LMNB1: variants seen among roughly 807,000 people sequenced by gnomAD.
LMNB1 encodes lamin-B1.
In LMNB1, 23 loss-of-function variants were observed where a neutral mutation model predicts 67.1. That is an observed-to-expected ratio of 0.34 (90% CI 0.25 to 0.49). The LOEUF (loss-of-function observed/expected upper bound fraction) is 0.49. Among genes scored for constraint, LMNB1 ranks in the 20% least tolerant of loss-of-function variants. The pLI, the probability that LMNB1 is intolerant of heterozygous loss-of-function variation, is 0.99. For synonymous variants in LMNB1, 281 were observed against 282.9 expected, an observed-to-expected ratio of 0.99 and a Z score of 0.07; for missense variants, 634 against 746.5, an observed-to-expected ratio of 0.85 and a Z score of 1.76.
chr5:126,776,629 G>C (rs919607998), upstream of LMNB1: 2 of 152,262 alleles, frequency 1.3e-5, no homozygotes, highest in African/African-American at 4.8e-5. Flanking sequence ...CAGCGGAGCG[G>C]GGGATAAGGT....
chr5:126,805,320 G>C (rs1751389237), intron 2 of LMNB1, among the ~76,000 whole-genome samples: 6 of 152,224 alleles, frequency 3.9e-5, no homozygotes, highest in Admixed American at 3.9e-4. Flanking sequence ...TGAAATGTGA[G>C]TGAGTCATAC....
intron 1 of LMNB1, among the ~76,000 whole-genome samples, chr5:126,787,546 ATT>A (rs142332901): frequency 9.3e-4 from 61 of 65,570 alleles, no homozygotes; most frequent in Admixed American, 1.5e-3. Flanking sequence ...ATATATATAT[ATT>A]TTTTTTTTTT....
chr5:126,836,773 G>A lies in LMNB1; in HGVS notation c.*509G>A, dbSNP rs1215605028. On this transcript the variant is annotated 3_prime_UTR_variant, in exon 11 of 11. Transcript: ENST00000261366. ...CAAGGTTATAATTTTTTTTAAAATA[G>A]AAATTTTGTAAGAAGGCAATATTAA... is the stretch of plus-strand genomic sequence containing the variant. The A allele has an allele frequency of 2.6e-6, 1 of 385,720 alleles. No homozygotes were observed. Among genetic ancestry groups the A allele is most frequent in the Admixed American group, 4.5e-5 (1 of 22,140 alleles). The allele number at this position is 385,720 out of a possible 1,614,324, so 23.9% of individuals were successfully genotyped here.
At chr5:126,834,683 T>C (rs1752210492) in intron 10 of LMNB1, among the ~76,000 whole-genome samples, 1 of 152,190 alleles carries the variant, frequency 6.6e-6, no homozygotes, top group Non-Finnish European at 1.5e-5. Flanking sequence ...GAGACCATCC[T>C]GGCTAACACG....
intron 5 of LMNB1, among the ~76,000 whole-genome samples, chr5:126,817,506 A>G (rs1751741808): frequency 6.6e-6 from 1 of 151,936 alleles, no homozygotes; most frequent in African/African-American, 2.4e-5. Flanking sequence ...CTGTCTAATC[A>G]TTTGTGTTAA....
intron 8 of LMNB1, among the ~76,000 whole-genome samples, chr5:126,823,898 C>G (rs1475470735): frequency 6.6e-6 from 1 of 152,082 alleles, no homozygotes; most frequent in Non-Finnish European, 1.5e-5. Flanking sequence ...TATTATATGT[C>G]TTATGGAAGC....
In LMNB1 at chr5:126,820,995, C is replaced by T; in HGVS notation, c.1246C>T (p.Arg416Trp). The T allele has an allele frequency of 1.9e-6, 3 of 1,613,804 alleles. No individual in the cohort carries two copies. Among genetic ancestry groups the T allele is most frequent in the Non-Finnish European group, 2.5e-6 (3 of 1,179,782 alleles). Residue 416 changes from arginine (R) to tryptophan (W), a missense_variant, in exon 7 of 11, where the codon CGG (arginine) becomes TGG (tryptophan). Coordinates refer to ENST00000261366, the MANE Select transcript of LMNB1 (RefSeq NM_005573.4). ...SRSVRTTRGK[R>W]KRVDVEESEA... is the part of the protein sequence containing the mutation. ...TAGTGTACGTACAACTAGAGGAAAG[C>T]GGAAGAGGGTTGATGTGGAAGAATC...
At chr5:126,814,403 G>T (rs991242407) in intron 5 of LMNB1, among the ~76,000 whole-genome samples, 1 of 152,122 alleles carries the variant, frequency 6.6e-6, no homozygotes, top group South Asian at 2.1e-4. Context: ...CTTCTCTTGA[G>T]GTTGATCTTC....
At chr5:126,809,937 A>G (rs938865742) in intron 3 of LMNB1, among the ~76,000 whole-genome samples, 6 of 152,198 alleles carry the variant, frequency 3.9e-5, no homozygotes, top group Admixed American at 3.9e-4. Context: ...ATAAATAGCT[A>G]TGCTCCTGAA....
chr5:126,831,736 A>C (rs1194803507), intron 9 of LMNB1, among the ~76,000 whole-genome samples: 1 of 152,210 alleles, frequency 6.6e-6, no homozygotes, highest in Non-Finnish European at 1.5e-5. Context: ...CTTTAAGCTG[A>C]ATTCATGTTG....
At chr5:126,835,766 G>A (rs527932386) in intron 10 of LMNB1, among the ~76,000 whole-genome samples, 27 of 152,282 alleles carry the variant, frequency 1.8e-4, no homozygotes, top group African/African-American at 6.5e-4. Flanking sequence ...GAATTTGTTG[G>A]GGGGTATTCT....
chr5:126,821,079 A>C lies in LMNB1; in HGVS notation c.1330A>C (p.Ile444Leu). The C allele has an allele frequency of 6.2e-7, 1 of 1,614,092 alleles. No individual in the cohort carries two copies. Among genetic ancestry groups the C allele is most frequent in the Non-Finnish European group, 8.5e-7 (1 of 1,180,016 alleles). ...HSASATGNVC[I>L]EEIDVDGKFI... ...CGCCTCAGCCACTGGAAATGTTTGC[A>C]TCGAAGAAATTGATGTTGATGGGAA... Residue 444 changes from isoleucine (I) to leucine (L), a missense_variant, in exon 7 of 11, where the codon ATC becomes CTC. By Grantham distance (5) the Ile-to-Leu change is conservative (BLOSUM62 2). Coordinates refer to ENST00000261366, the MANE Select transcript of LMNB1 (RefSeq NM_005573.4).
At chr5:126,795,933 C>CCTTTTTTTTTT (rs751492782) in intron 1 of LMNB1, among the ~76,000 whole-genome samples, 1 of 82,084 alleles carries the variant, frequency 1.2e-5, no homozygotes, top group Non-Finnish European at 2.3e-5. Context: ...GCCCAGGATG[C>CCTTTTTTTTTT]TTTTTTTTTT....
At chr5:126,778,655 GTCAC>G (rs2112914096) in intron 1 of LMNB1, among the ~76,000 whole-genome samples, 1 of 152,310 alleles carries the variant, frequency 6.6e-6, no homozygotes, top group East Asian at 1.9e-4. Flanking sequence ...GTTTGTGCAT[GTCAC>G]GGCTACCGTT....
chr5:126,800,644 C>CTTTT (rs35363581), intron 1 of LMNB1, among the ~76,000 whole-genome samples: 25 of 53,932 alleles, frequency 4.6e-4, no homozygotes, highest in East Asian at 1.1e-3. Flanking sequence ...ACTGTATCTT[C>CTTTT]TTTTTTTTTT....
rs565469294 is a variant in LMNB1 at position 126,790,303 on chromosome 5, G to A, written c.359+12436G>A. On this transcript the variant is annotated intron_variant, in intron 1 of 10. Transcript: ENST00000261366. ...GTATTTTTAGTAGAGAAGGGGTTTT[G>A]CCATGTTGGCCAGGCTGGTCTCGAA... Among the ~76,000 whole-genome samples the A allele has an allele frequency of 2.6e-3, 390 of 150,498 alleles. 3 individuals carry two copies. The highest frequency in any genetic ancestry group is 8.8e-3 in the African/African-American group (360 of 40,838).
intron 1 of LMNB1, among the ~76,000 whole-genome samples, chr5:126,787,540 A>ATTTTT (rs1750832796): frequency 2.1e-5 from 1 of 47,202 alleles, no homozygotes; most frequent in African/African-American, 6.8e-5. Flanking sequence ...ATATATATAT[A>ATTTTT]TATATATTTT....
chr5:126,830,675 A>G (rs1007843697), intron 9 of LMNB1, among the ~76,000 whole-genome samples: 1 of 152,190 alleles, frequency 6.6e-6, no homozygotes, highest in African/African-American at 2.4e-5. Context: ...AAGCTACATC[A>G]TGAGCCTTAA....
intron 1 of LMNB1, among the ~76,000 whole-genome samples, chr5:126,788,715 A>G (rs1382470591): frequency 6.6e-6 from 1 of 152,086 alleles, no homozygotes; most frequent in Non-Finnish European, 1.5e-5. Flanking sequence ...AAGCCTAAAA[A>G]GTATCTGTTG....
Sources: allele counts gnomAD v4.1 joint callset (sites outside exome capture counted in the v4.1 genomes callset), GRCh38; gene constraint gnomAD v4.1.1; transcripts MANE v1.5; gene names NCBI Gene and HGNC (gene_info 2026-07-23, HGNC 2026-07-21).